TTN: variants seen among roughly 807,000 people sequenced by gnomAD.
TTN encodes titin, also known as connectin.
A neutral mutation model predicts 3,223.0 loss-of-function variants in TTN; 1,525 were observed. That is an observed-to-expected ratio of 0.47 (90% CI 0.45 to 0.49). TTN has a LOEUF of 0.49. Among genes scored for constraint, TTN ranks in the 20% least tolerant of loss-of-function variants. TTN has a pLI of 0.00. For synonymous variants in TTN, 14,094 were observed against 15,161.0 expected (o/e 0.93, Z 5.17); for missense variants, 40,786 against 43,424.0 (o/e 0.94, Z 5.40).
chr2:178,681,072 A>T lies in TTN; in HGVS notation c.33340+7T>A. On this transcript the variant is annotated splice_region_variant and intron_variant, in intron 138 of 362. Coordinates refer to ENST00000589042, the MANE Select transcript of TTN (RefSeq NM_001267550.2). ...AAGATCACAATCGAGGAAGGAAATC[A>T]TTATACCTTTAGCAGCGGGTTCAGT... 1 of 1,595,520 alleles carries T rather than the reference A, an allele frequency of 6.3e-7. No homozygotes were observed. Among genetic ancestry groups the T allele is most frequent in the Non-Finnish European group, 8.5e-7 (1 of 1,172,944 alleles).
chr2:178,537,441 T>G lies in TTN; in HGVS notation c.99766A>C (p.Met33256Leu), dbSNP rs755612464. ...ENTEHYTHLV[M>L]KNVQRKTHAG... ...TGAGTCTTACGTTGGACATTCTTCA[T>G]GACAAGATGAGTATAGTGCTCAGTG... The change falls in exon 355 of 363, where the codon ATG becomes CTG. Residue 33256 changes from methionine (M) to leucine (L), a missense_variant. Coordinates refer to ENST00000589042, the MANE Select transcript of TTN (RefSeq NM_001267550.2). The G allele has an allele frequency of 6.2e-7, 1 of 1,613,034 alleles. No individual in the cohort carries two copies. The highest frequency in any genetic ancestry group is 1.3e-5 in the African/African-American group (1 of 74,904).
Position 178,601,723 on chromosome 2 carries a change from T to A in TTN, c.55367A>T (p.Lys18456Ile). The change falls in exon 286 of 363, where the codon AAA becomes ATA. Residue 18456 changes from lysine to isoleucine, a missense_variant. By Grantham distance (102) the Lys-to-Ile change is moderately radical (BLOSUM62 -3). Coordinates refer to ENST00000589042, the MANE Select transcript of TTN (RefSeq NM_001267550.2). ...TTTATTCTTGGCTGTGATGCTGTAT[T>A]TGCCTGTATGAGATCGTTTACACTC... ...IPECKRSHTG[K>I]YSITAKNKAG... 1 of 1,610,680 alleles carries A rather than the reference T, an allele frequency of 6.2e-7. No homozygotes were observed. The highest frequency in any genetic ancestry group is 8.5e-7 in the Non-Finnish European group (1 of 1,178,836).
intron 314 of TTN, 42 bp from the exon 315 acceptor site, chr2:178,582,250 A>G (rs2047938921): frequency 6.3e-7 from 1 of 1,577,222 alleles, no homozygotes; most frequent in Non-Finnish European, 8.6e-7. Context: ...AGGCTAAAAG[A>G]TAATTTTAAA....
In TTN at chr2:178,605,204, T is replaced by G; in HGVS notation, c.53973A>C (p.Thr17991=). The G allele has an allele frequency of 6.2e-7, 1 of 1,612,158 alleles. No individual in the cohort carries two copies. Among genetic ancestry groups the G allele is most frequent in the Non-Finnish European group, 8.5e-7 (1 of 1,179,034 alleles). The change falls in exon 280 of 363, where the codon ACA becomes ACC. Residue 17991 remains threonine (T), a synonymous_variant. Transcript: ENST00000589042. Reference sequence around the variant, plus strand: ...ATTCAATCTTAGGCATTGGAAGGCCTGTCACATCTGCAGGGATGTGGACAG... The same window carrying G: ...ATTCAATCTTAGGCATTGGAAGGCCGGTCACATCTGCAGGGATGTGGACAG... The part of the protein sequence containing the change: ...GEPVHIPADV[T]GLPMPKIEWS...
At position 178,634,747 on chromosome 2, in the gene TTN, T is replaced by G; in HGVS notation, c.42127A>C (p.Thr14043Pro). The change falls in exon 229 of 363, where the codon ACA becomes CCA. Residue 14043 changes from threonine (T) to proline (P), a missense_variant. Transcript: ENST00000589042. The surrounding 1 kb of genome is among the most constrained non-coding windows in gnomAD (Gnocchi z 4.6). Reference sequence around the variant, plus strand: ...CCTTTTACTGTCAAAATGGCAGTTGTAATTGCATTAAGGGCCTGGTAGAGG... The same window carrying G: ...CCTTTTACTGTCAAAATGGCAGTTGGAATTGCATTAAGGGCCTGGTAGAGG... ...EVLYQALNAI[T>P]TAILTVKEIE... The G allele has an allele frequency of 1.2e-6, 2 of 1,613,190 alleles. No homozygotes were observed. Among genetic ancestry groups the G allele is most frequent in the Non-Finnish European group, 1.7e-6 (2 of 1,179,406 alleles).
At chr2:178,739,054 G>A in intron 48 of TTN, 87 bp downstream of exon 48, 2 of 1,391,956 alleles carry the variant, frequency 1.4e-6, no homozygotes, top group South Asian at 3.6e-5. Context: ...GGAAGTGGCA[G>A]ATAAGTGAAA....
At chr2:178,738,753 A>G (rs2154317124) in intron 48 of TTN, among the ~76,000 whole-genome samples, 1 of 152,300 alleles carries the variant, frequency 6.6e-6, no homozygotes, top group Non-Finnish European at 1.5e-5. Flanking sequence ...AAAAAGAAAC[A>G]GACAACTAAT....
chr2:178,654,229 G>A lies in TTN; in HGVS notation c.38359C>T (p.Pro12787Ser). 1 of 1,598,396 alleles carries A rather than the reference G, an allele frequency of 6.3e-7. No individual in the cohort carries two copies. Among genetic ancestry groups the A allele is most frequent in the Non-Finnish European group, 8.5e-7 (1 of 1,177,898 alleles). Residue 12787 changes from proline to serine, a missense_variant, in exon 193 of 363, where the codon CCG (proline) becomes TCG (serine). Coordinates refer to ENST00000589042, the MANE Select transcript of TTN (RefSeq NM_001267550.2). The stretch of plus-strand genomic sequence containing the variant: ...ATACCTTTTGCACGTGGGGCTTCCG[G>A]TTTTTTGGGCACAGCCACAGATACT... ...KKVSVAVPKK[P>S]EAPRAKVPEA...
rs760597240 is a variant in TTN, at chr2:178,768,670, T to C, written c.9163+3A>G. 2 of 1,614,004 alleles carry C rather than the reference T, an allele frequency of 1.2e-6. No individual in the cohort carries two copies. The highest frequency in any genetic ancestry group is 1.7e-5 in the Admixed American group (1 of 59,994). ...TATGGATCTAATATGTATGAAACCATACCTTCCACATAAAGTGTGGCTGTT... is the reference window on the plus strand; with the variant it reads ...TATGGATCTAATATGTATGAAACCACACCTTCCACATAAAGTGTGGCTGTT... On this transcript the variant is annotated splice_donor_region_variant and intron_variant, in intron 38 of 362. Coordinates refer to ENST00000589042, the MANE Select transcript of TTN (RefSeq NM_001267550.2).
intron 13 of TTN, among the ~76,000 whole-genome samples, chr2:178,787,515 T>C (rs2093262546): frequency 6.6e-6 from 1 of 152,154 alleles, no homozygotes; most frequent in Non-Finnish European, 1.5e-5. Context: ...ACTAAATAAA[T>C]AAATATTATT....
At chr2:178,752,852 A>G (rs2085919390) in intron 47 of TTN, among the ~76,000 whole-genome samples, 2 of 152,050 alleles carry the variant, frequency 1.3e-5, no homozygotes, top group Non-Finnish European at 2.9e-5. Flanking sequence ...CCTAATATAC[A>G]CTTTTGGAAA....
rs1195308025 is a variant in TTN, at chr2:178,674,348, G to A, written c.34674C>T (p.Ser11558=). ...SEEEIPEEPP[S]IEEVEEVAPP... ...GTGCCACCTCTTCAACTTCCTCTAT[G>A]CTAGGTGGTTCTTCTGGGATTTCTT... The change falls in exon 151 of 363, where the codon AGC becomes AGT. Residue 11558 remains serine (S), a synonymous_variant. Transcript: ENST00000589042. 6.3e-7 allele frequency: 1 copy of A among 1,598,852 alleles called. No homozygotes were observed. Among genetic ancestry groups the A allele is most frequent in the East Asian group, 2.2e-5 (1 of 44,456 alleles).
chr2:178,588,267 A>G (rs753301895), intron 304 of TTN, 48 bp from the exon 305 acceptor site: 3 of 1,464,166 alleles, frequency 2.0e-6, no homozygotes, highest in Admixed American at 4.7e-5. Context: ...TGATACTTCA[A>G]TGTGTAATTT....
At position 178,609,218 on chromosome 2, in the gene TTN, G is replaced by T; in HGVS notation, c.52092C>A (p.Val17364=). 6.6e-7 allele frequency: 1 copy of T among 1,510,764 alleles called. No individual in the cohort carries two copies. The highest frequency in any genetic ancestry group is 1.4e-5 in the South Asian group (1 of 71,122). The allele number at this position is 1,510,764 out of a possible 1,614,324, so 93.6% of individuals were successfully genotyped here. ...DHGIAKAPCT[V]SVLDTPGPPI... ...GTTTTAATGACTCACCTAACACACT[G>T]ACAGTACAAGGAGCTTTTGCAATAC... The change falls in exon 273 of 363, where the codon GTC becomes GTA. Residue 17364 remains valine (V), a synonymous_variant. Transcript: ENST00000589042.
Position 178,557,900 on chromosome 2 carries a change from C to T in TTN, c.87454G>A (p.Glu29152Lys), listed in dbSNP as rs752325107. Residue 29152 changes from glutamate to lysine, a missense_variant, in exon 328 of 363, where the codon GAA becomes AAA. Coordinates refer to ENST00000589042, the MANE Select transcript of TTN (RefSeq NM_001267550.2). ...TGPVVISDIT[E>K]ESVTLKWEPP... is the part of the protein sequence containing the mutation. ...TCCCATTTGAGAGTCACACTTTCTT[C>T]AGTTATATCACTAATAACAACAGGG... The T allele has an allele frequency of 6.2e-7, 1 of 1,613,582 alleles. No individual in the cohort carries two copies. The highest frequency in any genetic ancestry group is 2.2e-5 in the East Asian group (1 of 44,872).
In TTN at chr2:178,572,799, T is replaced by C; in HGVS notation, c.73333A>G (p.Thr24445Ala). 6.2e-7 allele frequency: 1 copy of C among 1,613,428 alleles called. No individual in the cohort carries two copies. Among genetic ancestry groups the C allele is most frequent in the Non-Finnish European group, 8.5e-7 (1 of 1,179,582 alleles). ...TTGATGGGAACAAAAAGTCTCAGGG[T>C]GCAGCAGGCCCTTATAGTAACAACT... Reference protein sequence around the residue: ...RKVVTIRACCTLRLFVPIKGR... With the variant: ...RKVVTIRACCALRLFVPIKGR... Residue 24445 changes from threonine (T) to alanine (A), a missense_variant, in exon 326 of 363, where the codon ACC becomes GCC. Coordinates refer to ENST00000589042, the MANE Select transcript of TTN (RefSeq NM_001267550.2).
intron 58 of TTN, 53 bp from the exon 59 acceptor site, chr2:178,731,636 TA>T (rs1012114800): frequency 2.0e-5 from 32 of 1,567,008 alleles, no homozygotes; most frequent in East Asian, 6.8e-5. Flanking sequence ...AAAAGTGGCT[TA>T]AAAAAAAGAA....
Position 178,770,470 on chromosome 2 carries a change from C to A in TTN, c.8322G>T (p.Glu2774Asp). 6.2e-7 allele frequency: 1 copy of A among 1,614,162 alleles called. No homozygotes were observed. The highest frequency in any genetic ancestry group is 8.5e-7 in the Non-Finnish European group (1 of 1,180,018). The change falls in exon 35 of 363, where the codon GAG (glutamate) becomes GAT (aspartate). Residue 2774 changes from glutamate (E) to aspartate (D), a missense_variant. Transcript: ENST00000589042. ...LRIKNCAIVD[E>D]SVYGFRLGRL... ...TTCCAAGCCTGAAGCCATAAACAGA[C>A]TCATCCACGATGGCACAGTTTTTAA...
In TTN at chr2:178,739,865, G is replaced by T; in HGVS notation, c.13368C>A (p.Thr4456=). 1.2e-6 allele frequency: 2 copies of T among 1,613,754 alleles called. No individual in the cohort carries two copies. Among genetic ancestry groups the T allele is most frequent in the Non-Finnish European group, 1.7e-6 (2 of 1,179,822 alleles). Residue 4456 remains threonine (T), a synonymous_variant, in exon 48 of 363, where the codon ACC becomes ACA. Transcript: ENST00000589042. ...TSAKSVTEEV[T]IIIEDVDPQM... ...GAGGATCAACATCTTCAATAATGAT[G>T]GTTACTTCTTCTGTTACAGACTTTG...
Sources: gnomAD v4.1 joint callset for allele counts (sites outside exome capture counted in the v4.1 genomes callset) on GRCh38, gnomAD v4.1.1 for gene constraint, Gnocchi (gnomAD v3.1) non-coding constraint, MANE v1.5 for transcripts, NCBI Gene and HGNC (gene_info 2026-07-23, HGNC 2026-07-21) for gene names.